Variants in ESRRG observed in about 807,000 individuals in gnomAD.
The protein encoded by ESRRG is estrogen-related receptor gamma.
Under a neutral mutation model 44.0 loss-of-function variants are expected in ESRRG, and 13 were observed. The ratio of observed to expected loss-of-function variants is 0.30; its 90% confidence interval spans 0.19 to 0.47. ESRRG has a LOEUF of 0.47. Ranked by LOEUF, ESRRG falls within the 20% of genes least tolerant of loss-of-function variation. The pLI is 1.00. For missense variants in ESRRG, 395 were observed against 580.6 expected (o/e 0.68, Z 3.29); for synonymous variants, 215 against 214.6 (o/e 1.00, Z -0.02).
chr1:216,559,006 A>ACC (rs2058164241), intron 5 of ESRRG, among the ~76,000 whole-genome samples: 1 of 151,904 alleles, frequency 6.6e-6, no homozygotes, highest in African/African-American at 2.4e-5. Context: ...AGTAACTGGG[A>ACC]TTACAGGCAC....
chr1:216,715,872 C>A (rs1455813974), intron 1 of ESRRG, among the ~76,000 whole-genome samples: 1 of 151,870 alleles, frequency 6.6e-6, no homozygotes, highest in Non-Finnish European at 1.5e-5. Flanking sequence ...TGAGTAAAAT[C>A]TTTCTAGAGT....
chr1:217,085,993 A>G (rs1385246648), intron 1 of ESRRG, among the ~76,000 whole-genome samples: 1 of 152,158 alleles, frequency 6.6e-6, no homozygotes, highest in African/African-American at 2.4e-5. Context: ...ACAAAGTGAC[A>G]AGAGAAAACT....
chr1:216,507,189 C>A lies in ESRRG; in HGVS notation c.1133-6G>T. The A allele has an allele frequency of 6.3e-7, 1 of 1,580,412 alleles. No homozygotes were observed. Among genetic ancestry groups the A allele is most frequent in the Non-Finnish European group, 8.6e-7 (1 of 1,162,304 alleles). On this transcript the variant is annotated splice_polypyrimidine_tract_variant and splice_region_variant and intron_variant, in intron 6 of 6. Transcript: ENST00000408911. ...ATCTTCTATGTGCATGGAGTCTGTG[C>A]AATGAAGCAAAAGATATGAGTAATT...
chr1:216,641,754 T>C (rs1323183408), intron 3 of ESRRG, among the ~76,000 whole-genome samples: 1 of 152,238 alleles, frequency 6.6e-6, no homozygotes, highest in Admixed American at 6.5e-5. Flanking sequence ...TTTATTCACA[T>C]AGTTTGTAAC....
chr1:216,662,341 C>T (rs1249746277), intron 2 of ESRRG, among the ~76,000 whole-genome samples: 3 of 152,010 alleles, frequency 2.0e-5, no homozygotes, highest in Non-Finnish European at 4.4e-5. Context: ...ACAAACCAAC[C>T]AAAGAGTATG....
chr1:216,757,998 A>T (rs1369695172), intron 2 of ESRRG, among the ~76,000 whole-genome samples: 1 of 152,114 alleles, frequency 6.6e-6, no homozygotes, highest in Non-Finnish European at 1.5e-5. Flanking sequence ...TTAAAAAAGA[A>T]GAGGAAGAAA....
intron 5 of ESRRG, among the ~76,000 whole-genome samples, chr1:216,552,078 T>C (rs573509535): frequency 3.5e-4 from 54 of 152,268 alleles, no homozygotes; most frequent in East Asian, 3.9e-4. Context: ...CTATAACAAA[T>C]AACATAGGCC....
intron 5 of ESRRG, among the ~76,000 whole-genome samples, chr1:216,524,674 C>T (rs2047105596): frequency 6.6e-6 from 1 of 152,032 alleles, no homozygotes; most frequent in African/African-American, 2.4e-5. Context: ...ATTTCTTTAT[C>T]TCTGTTTTTA....
At chr1:216,881,575 A>G (rs919376328) in intron 2 of ESRRG, among the ~76,000 whole-genome samples, 11 of 151,994 alleles carry the variant, frequency 7.2e-5, no homozygotes, top group Non-Finnish European at 2.9e-5. Context: ...TTTTTTTTCT[A>G]TGTATCTAGG....
At chr1:216,509,838 A>G (rs887322104) in intron 6 of ESRRG, among the ~76,000 whole-genome samples, 1 of 152,220 alleles carries the variant, frequency 6.6e-6, no homozygotes, top group African/African-American at 2.4e-5. Context: ...CAGCTGGCAG[A>G]CTGCTGAAGA....
intron 2 of ESRRG, among the ~76,000 whole-genome samples, chr1:216,938,041 C>T (rs908832149): frequency 6.6e-5 from 10 of 152,068 alleles, no homozygotes; most frequent in African/African-American, 2.4e-4. Context: ...TTAAGACCCT[C>T]ATTCCTTGTG....
rs565286803 is a variant in ESRRG, at chr1:216,840,045, T to A, written c.-14+99537A>T. On this transcript the variant is annotated intron_variant, in intron 2 of 7. Transcript: ENST00000359162. ...CTAACAAGAGAGTCAGCTTGTTCTT[T>A]GTAGCTTTGATGCCAGGCATTGATT... Among the ~76,000 whole-genome samples, 3 of 152,262 alleles carry A rather than the reference T, an allele frequency of 2.0e-5. No homozygotes were observed. The South Asian group carries it at 6.2e-4, about 32-fold the overall frequency.
intron 1 of ESRRG, among the ~76,000 whole-genome samples, chr1:216,693,725 T>C (rs1273521214): frequency 1.3e-5 from 2 of 152,192 alleles, no homozygotes; most frequent in Non-Finnish European, 2.9e-5. Context: ...ACTTTTTTTC[T>C]AATATTTTTT....
chr1:216,835,949 CGATA>C (rs1453144464), intron 2 of ESRRG, among the ~76,000 whole-genome samples: 1 of 151,916 alleles, frequency 6.6e-6, no homozygotes, highest in Non-Finnish European at 1.5e-5. Context: ...GGCCCTAGTT[CGATA>C]GAGTCCCATT....
chr1:216,628,402 G>T lies in ESRRG; in HGVS notation c.589+22571C>A, dbSNP rs77430963. Reference sequence around the variant, plus strand: ...CCTGACTAGCTGGGTTTAGAGGTGCGATCTACTGTGCTTGGCCAAGGATCA... The same window carrying T: ...CCTGACTAGCTGGGTTTAGAGGTGCTATCTACTGTGCTTGGCCAAGGATCA... On this transcript the variant is annotated intron_variant, in intron 3 of 6. Coordinates refer to ENST00000408911, the MANE Select transcript of ESRRG (RefSeq NM_001438.4). 8.8e-3 allele frequency among the ~76,000 whole-genome samples: 1,336 copies of T among 152,232 alleles called. 25 individuals are homozygous for T. The highest frequency in any genetic ancestry group is 0.031 in the African/African-American group (1,272 of 41,514).
chr1:216,740,987 A>C (rs2090617702), intron 2 of ESRRG, among the ~76,000 whole-genome samples: 1 of 151,852 alleles, frequency 6.6e-6, no homozygotes, highest in African/African-American at 2.4e-5. Flanking sequence ...ATTCTCAGAT[A>C]AATTTTTTAA....
intron 2 of ESRRG, among the ~76,000 whole-genome samples, chr1:216,768,993 A>C (rs2093253637): frequency 6.6e-6 from 1 of 152,072 alleles, no homozygotes; most frequent in African/African-American, 2.4e-5. Context: ...CATTTTAATC[A>C]TAATATACTT....
At chr1:216,863,979 T>A (rs2149124598) in intron 2 of ESRRG, 1 of 152,306 alleles carries the variant, frequency 6.6e-6, no homozygotes, top group East Asian at 1.9e-4. Context: ...AAATTGCATT[T>A]GGGACATCCT....
chr1:216,787,570 C>A (rs1269500950), intron 2 of ESRRG, among the ~76,000 whole-genome samples: 1 of 143,524 alleles, frequency 7.0e-6, no homozygotes, highest in African/African-American at 2.6e-5. Flanking sequence ...CTACTGCACT[C>A]CAGCCTGGGT....
Sources: gnomAD v4.1 joint callset for allele counts (sites outside exome capture counted in the v4.1 genomes callset) on GRCh38, gnomAD v4.1.1 for gene constraint, MANE v1.5 for transcripts, NCBI Gene and HGNC (gene_info 2026-07-23, HGNC 2026-07-21) for gene names.